MDGA2: variants seen among roughly 807,000 people sequenced by gnomAD.
MDGA2 encodes MAM domain containing glycosylphosphatidylinositol anchor 2.
MDGA2 carries 40 observed loss-of-function variants against 117.8 expected under a neutral mutation model. The observed-to-expected ratio is 0.34, with a 90% confidence interval of 0.26 to 0.44. The LOEUF (loss-of-function observed/expected upper bound fraction) is 0.44. Among genes scored for constraint, MDGA2 ranks in the 20% least tolerant of loss-of-function variants. The pLI, the probability that MDGA2 is intolerant of heterozygous loss-of-function variation, is 1.00. For synonymous variants in MDGA2, 452 were observed against 439.0 expected (o/e 1.03, Z -0.37); for missense variants, 1,123 against 1,250.6 (o/e 0.90, Z 1.54).
chr14:47,101,126 CAGAT>C (rs1566624388), intron 5 of MDGA2, among the ~76,000 whole-genome samples: 1 of 55,344 alleles, frequency 1.8e-5, no homozygotes, highest in South Asian at 5.4e-4. Context: ...GATAGATAGA[CAGAT>C]AGATAGAAAG....
intron 2 of MDGA2, among the ~76,000 whole-genome samples, chr14:47,261,909 G>A (rs1461110756): frequency 6.6e-6 from 1 of 152,068 alleles, no homozygotes; most frequent in Non-Finnish European, 1.5e-5. Flanking sequence ...GAGAGTGGGG[G>A]ACTCATTGGT....
chr14:47,379,933 C>A (rs1891573783), intron 1 of MDGA2, among the ~76,000 whole-genome samples: 1 of 152,298 alleles, frequency 6.6e-6, no homozygotes, highest in South Asian at 2.1e-4. Context: ...TTCTCACTAC[C>A]ACGTCGCACT....
chr14:46,905,236 A>G (rs1883442733), intron 10 of MDGA2, among the ~76,000 whole-genome samples: 1 of 152,190 alleles, frequency 6.6e-6, no homozygotes, highest in Admixed American at 6.5e-5. Flanking sequence ...TATTTCAGAT[A>G]TTCAATGAAA....
At chr14:47,464,781 C>A (rs1382642399) in intron 1 of MDGA2, among the ~76,000 whole-genome samples, 1 of 152,020 alleles carries the variant, frequency 6.6e-6, no homozygotes, top group Non-Finnish European at 1.5e-5. Flanking sequence ...CAATGCTATT[C>A]CTATCAAAAT....
At chr14:47,387,267 G>T (rs951757074) in intron 1 of MDGA2, among the ~76,000 whole-genome samples, 2 of 152,134 alleles carry the variant, frequency 1.3e-5, no homozygotes, top group African/African-American at 4.8e-5. Flanking sequence ...TTGAGACCAA[G>T]ACAAACAGTA....
At chr14:47,006,705 C>T (rs1887724881) in intron 8 of MDGA2, among the ~76,000 whole-genome samples, 1 of 151,566 alleles carries the variant, frequency 6.6e-6, no homozygotes, top group Admixed American at 6.6e-5. Flanking sequence ...AGGAAATGGA[C>T]ATTGAACTTT....
chr14:47,069,473 T>G (rs1001320657), intron 6 of MDGA2, among the ~76,000 whole-genome samples: 4 of 152,208 alleles, frequency 2.6e-5, no homozygotes, highest in Admixed American at 6.5e-5. Flanking sequence ...TTCATTTGAG[T>G]TCTATCTATC....
intron 4 of MDGA2, among the ~76,000 whole-genome samples, chr14:47,143,280 T>G (rs1882801048): frequency 6.6e-6 from 1 of 152,174 alleles, no homozygotes; most frequent in Non-Finnish European, 1.5e-5. Flanking sequence ...CCTAGCCAAT[T>G]TATATAATTT....
chr14:46,895,433 A>G (rs898898930), intron 10 of MDGA2, among the ~76,000 whole-genome samples: 3 of 152,216 alleles, frequency 2.0e-5, no homozygotes, highest in African/African-American at 7.2e-5. Flanking sequence ...ATTTTTAAGA[A>G]TAACTAGGTT....
At position 47,577,488 on chromosome 14, in the gene MDGA2, T is replaced by C. The variant is rs143818146; in HGVS notation, c.280+97029A>G. ...TTCTGCACAGCAAAAGAAACTATCATCAGAGGGAACAGACAACCTACAGAA... is the reference window on the plus strand; with the variant it reads ...TTCTGCACAGCAAAAGAAACTATCACCAGAGGGAACAGACAACCTACAGAA... On this transcript the variant is annotated intron_variant, in intron 1 of 16. Transcript: ENST00000399232. Among the ~76,000 whole-genome samples, 586 of 152,088 alleles carry C rather than the reference T, an allele frequency of 3.9e-3. 3 individuals are homozygous for C. The highest frequency in any genetic ancestry group is 0.013 in the African/African-American group (547 of 41,486).
At position 47,188,483 on chromosome 14, in the gene MDGA2, G is replaced by A. The variant is rs549945140; in HGVS notation, c.595+29538C>T. Among the ~76,000 whole-genome samples, 19 of 152,228 alleles carry A rather than the reference G, an allele frequency of 1.2e-4. No homozygotes were observed. The South Asian group carries it at 2.5e-3, about 20-fold the overall frequency. ...GTAAGCTTGAAAGTGAATCTGCCCC[G>A]AGTCAAACTTCTCCTAGATGACACA... On this transcript the variant is annotated intron_variant, in intron 3 of 16. Coordinates refer to ENST00000399232, the MANE Select transcript of MDGA2 (RefSeq NM_001113498.3).
chr14:47,127,282 C>T (rs1294180413), intron 5 of MDGA2, among the ~76,000 whole-genome samples: 1 of 152,050 alleles, frequency 6.6e-6, no homozygotes, highest in Non-Finnish European at 1.5e-5. Context: ...TTATGTTCCT[C>T]TTCCACTATT....
At chr14:47,576,938 A>G (rs1008195973) in intron 1 of MDGA2, among the ~76,000 whole-genome samples, 3 of 151,962 alleles carry the variant, frequency 2.0e-5, no homozygotes, top group South Asian at 4.1e-4. Context: ...TTTTATAGAG[A>G]TGTGGTCTCA....
Position 47,435,852 on chromosome 14 carries a change from C to T in MDGA2, c.281-134302G>A, listed in dbSNP as rs138154894. Among the ~76,000 whole-genome samples, 935 of 152,230 alleles carry T rather than the reference C, an allele frequency of 6.1e-3. 14 individuals are homozygous for T. The highest frequency in any genetic ancestry group is 0.022 in the African/African-American group (899 of 41,556). Reference sequence around the variant, plus strand: ...GCTTCTGGGCTCAGCTCTCTCAAATCCATTCCCTATGAATCTGGCAGAACG... The same window carrying T: ...GCTTCTGGGCTCAGCTCTCTCAAATTCATTCCCTATGAATCTGGCAGAACG... On this transcript the variant is annotated intron_variant, in intron 1 of 16. Coordinates refer to ENST00000399232, the MANE Select transcript of MDGA2 (RefSeq NM_001113498.3).
At chr14:47,385,809 G>A (rs958942680) in intron 1 of MDGA2, among the ~76,000 whole-genome samples, 11 of 152,120 alleles carry the variant, frequency 7.2e-5, no homozygotes, top group Non-Finnish European at 1.6e-4. Flanking sequence ...AAGGAAAGTC[G>A]GTGATGATAG....
intron 3 of MDGA2, among the ~76,000 whole-genome samples, chr14:47,206,859 C>G (rs747174805): frequency 4.6e-5 from 7 of 151,774 alleles, no homozygotes; most frequent in African/African-American, 1.5e-4. Flanking sequence ...CCACTGTACT[C>G]CAGCCTGGGC....
intron 3 of MDGA2, among the ~76,000 whole-genome samples, chr14:47,152,169 G>A (rs115090806): frequency 5.3e-4 from 81 of 152,208 alleles, no homozygotes; most frequent in African/African-American, 1.9e-3. Context: ...TCTCCCAAAA[G>A]AATTTGTGGT....
At chr14:47,251,492 T>C (rs1248053865) in intron 2 of MDGA2, among the ~76,000 whole-genome samples, 1 of 152,234 alleles carries the variant, frequency 6.6e-6, no homozygotes, top group Non-Finnish European at 1.5e-5. Flanking sequence ...AAAAAACACT[T>C]GACGTTGTCT....
At chr14:47,199,864 G>GT (rs1885425411) in intron 3 of MDGA2, among the ~76,000 whole-genome samples, 1 of 152,070 alleles carries the variant, frequency 6.6e-6, no homozygotes, top group Non-Finnish European at 1.5e-5. Flanking sequence ...TTCATTGCAA[G>GT]TTTTGGCTTA....
Sources: gnomAD v4.1 joint callset for allele counts (sites outside exome capture counted in the v4.1 genomes callset) on GRCh38, gnomAD v4.1.1 for gene constraint, MANE v1.5 for transcripts, NCBI Gene and HGNC (gene_info 2026-07-23, HGNC 2026-07-21) for gene names.